Variants in ACAN observed in about 807,000 individuals in gnomAD.
ACAN encodes the protein aggrecan core protein.
A neutral mutation model predicts 169.1 loss-of-function variants in ACAN; 47 were observed. The observed-to-expected ratio is 0.28, with a 90% CI of 0.22 to 0.35. The LOEUF (loss-of-function observed/expected upper bound fraction) is 0.35, where lower values mean the gene tolerates loss of function less well. Ranked by LOEUF, ACAN falls within the 10% of genes least tolerant of loss-of-function variation. The probability of loss-of-function intolerance (pLI) is 1.00; values close to 1 mark genes in which losing one functional copy is unlikely to be tolerated. For missense variants in ACAN, 2,716 were observed against 2,759.9 expected (o/e 0.98, Z 0.36); for synonymous variants, 1,115 against 1,112.2 (o/e 1.00, Z -0.05).
intron 1 of ACAN, among the ~76,000 whole-genome samples, chr15:88,823,772 GT>G (rs72251700): frequency 0.21 from 32,193 of 152,002 alleles, 4,325 homozygotes; most frequent in African/African-American, 0.37. Context: ...TCTGAGTTCT[GT>G]TTTTGTCCCT....
chr15:88,837,404 G>A (rs1248509211), intron 2 of ACAN, among the ~76,000 whole-genome samples: 2 of 152,198 alleles, frequency 1.3e-5, no homozygotes, highest in Non-Finnish European at 1.5e-5. Context: ...AGGAAGATAG[G>A]ACATAGAACT....
At chr15:88,847,164 C>G (rs1325099838) in intron 7 of ACAN, 79 bp from the exon 8 acceptor site, 1 of 1,381,904 alleles carries the variant, frequency 7.2e-7, no homozygotes, top group East Asian at 2.6e-5. Context: ...CAGGAGTTGG[C>G]CCCCCTCTGT....
In ACAN at chr15:88,845,415, G is replaced by A. The variant is rs11856660; in HGVS notation, c.1052-90G>A. The A allele has an allele frequency of 5.0e-3, 7,558 of 1,498,792 alleles. 256 individuals are homozygous for A. The African/African-American group carries it at 0.083, about 16-fold the overall frequency. The allele number at this position is 1,498,792 out of a possible 1,614,324, so 92.8% of individuals were successfully genotyped here. A position where few individuals can be genotyped will look rare whatever the true frequency, so the allele number is the denominator to read the frequency against. On this transcript the variant is annotated intron_variant, in intron 6 of 18. Transcript: ENST00000560601. ...CCTCCTGCCCCAGCAGGGAAGGAGG[G>A]GGAGCCATGCTCATCTCCAGCCCAC...
At chr15:88,803,941 G>C (rs1227236579) in intron 1 of ACAN, 132 bp downstream of exon 1, 1 of 152,330 alleles carries the variant, frequency 6.6e-6, no homozygotes, top group African/African-American at 2.4e-5. Flanking sequence ...ATGTGTGCCG[G>C]GGGCGCAGCA....
Position 88,807,903 on chromosome 15 carries a change from G to A in ACAN, c.-8+4094G>A, listed in dbSNP as rs1895726484. Among the ~76,000 whole-genome samples the A allele has an allele frequency of 1.3e-5, 2 of 152,068 alleles. No homozygotes were observed. The highest frequency in any genetic ancestry group is 4.1e-4 in the South Asian group (2 of 4,824). On this transcript the variant is annotated intron_variant, in intron 1 of 18. Transcript: ENST00000560601. This position sits in a 1 kb window ranked among gnomAD's most constrained non-coding sequence, Gnocchi z 4.0. ...CTTTTTGTTAAACTCATGAATAGGT[G>A]GATTTGGGGTGTGTGATGCTGGGCA... is the stretch of plus-strand genomic sequence containing the variant.
Position 88,873,008 on chromosome 15 carries a change from C to G in ACAN, c.7430C>G (p.Thr2477Arg). 1 of 1,613,076 alleles carries G rather than the reference C, an allele frequency of 6.2e-7. No individual in the cohort carries two copies. Among genetic ancestry groups the G allele is most frequent in the Non-Finnish European group, 8.5e-7 (1 of 1,179,548 alleles). Residue 2477 changes from threonine (T) to arginine (R), a missense_variant, in exon 17 of 19, where the codon ACG (threonine) becomes AGG (arginine). Coordinates refer to ENST00000560601, the MANE Select transcript of ACAN (RefSeq NM_001369268.1). This position sits in a 1 kb window ranked among gnomAD's most constrained non-coding sequence, Gnocchi z 7.5. ...DVPCNYHLPF[T>R]CKKGTVACGE... ...CCCTGCAATTACCACCTCCCCTTCA[C>G]GTGTAAAAAGGGCACAGGTAAGCTG...
At chr15:88,822,717 A>G (rs945383474) in intron 1 of ACAN, among the ~76,000 whole-genome samples, 3 of 152,278 alleles carry the variant, frequency 2.0e-5, no homozygotes, top group Non-Finnish European at 4.4e-5. Flanking sequence ...TACAGGCGTG[A>G]GCCACCACGC....
intron 1 of ACAN, among the ~76,000 whole-genome samples, chr15:88,817,866 A>AAAAG (rs1432352463): frequency 1.3e-5 from 2 of 150,778 alleles, no homozygotes; most frequent in Non-Finnish European, 2.9e-5. Context: ...AAAAAAAAAA[A>AAAAG]AAAGAAAGAA....
At chr15:88,829,595 G>A (rs747118300) in intron 1 of ACAN, among the ~76,000 whole-genome samples, 75 of 152,210 alleles carry the variant, frequency 4.9e-4, no homozygotes, top group Admixed American at 2.9e-3. Context: ...TCATGAGCGA[G>A]TGACAAGAGA....
rs1180271873 is a variant in ACAN at position 88,843,165 on chromosome 15, G to C, written c.758-190G>C. Among the ~76,000 whole-genome samples the C allele has an allele frequency of 6.6e-6, 1 of 152,140 alleles. No homozygotes were observed. The highest frequency in any genetic ancestry group is 1.5e-5 in the Non-Finnish European group (1 of 68,036). On this transcript the variant is annotated intron_variant, in intron 5 of 18. Coordinates refer to ENST00000560601, the MANE Select transcript of ACAN (RefSeq NM_001369268.1). This position sits in a 1 kb window ranked among gnomAD's most constrained non-coding sequence, Gnocchi z 4.0. ...CTTGGTCCCCTTGTTTTAGGAAATT[G>C]ATGTCATCCTACACAAAAGCCCAGA...
At position 88,869,741 on chromosome 15, in the gene ACAN, G is replaced by A. The variant is rs542902049; in HGVS notation, c.7060+1412G>A. ...AGCCACCCAGCTCGGCCCTGGGCCT[G>A]GGGGCCCAGCTAAGCAGGGCTGCAT... On this transcript the variant is annotated intron_variant, in intron 14 of 18. Coordinates refer to ENST00000560601, the MANE Select transcript of ACAN (RefSeq NM_001369268.1). This position sits in a 1 kb window ranked among gnomAD's most constrained non-coding sequence, Gnocchi z 4.2. 6.6e-6 allele frequency among the ~76,000 whole-genome samples: 1 copy of A among 152,240 alleles called. No homozygotes were observed. Among genetic ancestry groups the A allele is most frequent in the Non-Finnish European group, 1.5e-5 (1 of 67,996 alleles).
chr15:88,854,881 G>T lies in ACAN; in HGVS notation c.2296G>T (p.Ala766Ser). ...GILPTWPPTG[A>S]ATEESTEGPS... ...CCTTCCTACTTGGCCTCCCACTGGCGCAGCAACAGAGGAAAGTACAGAAGG... is the reference window on the plus strand; with the variant it reads ...CCTTCCTACTTGGCCTCCCACTGGCTCAGCAACAGAGGAAAGTACAGAAGG... Residue 766 changes from alanine to serine, a missense_variant, in exon 12 of 19, where the codon GCA (alanine) becomes TCA (serine). Ala to Ser is a moderately conservative substitution (Grantham distance 99, BLOSUM62 1). This residue lies in a region of ACAN where 1,283 missense variants were observed against 1,281.5 expected (regional missense o/e 1.00). Coordinates refer to ENST00000560601, the MANE Select transcript of ACAN (RefSeq NM_001369268.1). 2 of 1,508,012 alleles carry T rather than the reference G, an allele frequency of 1.3e-6. No homozygotes were observed. Among genetic ancestry groups the T allele is most frequent in the Non-Finnish European group, 1.8e-6 (2 of 1,133,976 alleles). The allele number at this position is 1,508,012 out of a possible 1,614,324, so 93.4% of individuals were successfully genotyped here. A position where few individuals can be genotyped will look rare whatever the true frequency, so the allele number is the denominator to read the frequency against.
chr15:88,805,856 C>G (rs543919818), intron 1 of ACAN, among the ~76,000 whole-genome samples: 1 of 152,274 alleles, frequency 6.6e-6, no homozygotes, highest in South Asian at 2.1e-4. Flanking sequence ...ACCTCTTGCC[C>G]CTGTTCCCCA....
In ACAN at chr15:88,858,131, G is replaced by A. The variant is rs34124958; in HGVS notation, c.5546G>A (p.Gly1849Asp). 2 of 1,613,780 alleles carry A rather than the reference G, an allele frequency of 1.2e-6. No individual in the cohort carries two copies. The highest frequency in any genetic ancestry group is 1.1e-5 in the South Asian group (1 of 91,080). The change falls in exon 12 of 19, where the codon GGC becomes GAC. Residue 1849 changes from glycine to aspartate, a missense_variant. Physicochemically the swap from Gly to Asp is moderately conservative, Grantham distance 94. Transcript: ENST00000560601. This position sits in a 1 kb window ranked among gnomAD's most constrained non-coding sequence, Gnocchi z 4.0. ...CCTACTACATTTAAAGAAGAAGAAGGCTTAGGGTCTGTGGAACTCAGTGGC... is the reference window on the plus strand; with the variant it reads ...CCTACTACATTTAAAGAAGAAGAAGACTTAGGGTCTGTGGAACTCAGTGGC... ...VAPTTFKEEEGLGSVELSGLP... is the reference protein window; with the variant it reads ...VAPTTFKEEEDLGSVELSGLP...
chr15:88,833,411 C>T lies in ACAN; in HGVS notation c.-7-2789C>T, dbSNP rs575395002. Among the ~76,000 whole-genome samples, 6 of 152,142 alleles carry T rather than the reference C, an allele frequency of 3.9e-5. No homozygotes were observed. In the East Asian group the frequency reaches 7.7e-4, roughly 20 times the overall value. ...CCACTTCATTTCAGGCTCCCCGTCC[C>T]CTTCCTCTGCCTCACCTATGCTGTC... is the stretch of plus-strand genomic sequence containing the variant. On this transcript the variant is annotated intron_variant, in intron 1 of 18. Coordinates refer to ENST00000560601, the MANE Select transcript of ACAN (RefSeq NM_001369268.1).
intron 12 of ACAN, among the ~76,000 whole-genome samples, chr15:88,860,030 C>G (rs930148197): frequency 3.4e-4 from 51 of 150,938 alleles, no homozygotes; most frequent in East Asian, 1.4e-3. Flanking sequence ...GACATAACTC[C>G]AAGTGCCGGG....
chr15:88,874,466 C>T lies in ACAN; in HGVS notation c.7692C>T (p.Pro2564=), dbSNP rs944637511. The change falls in exon 19 of 19, where the codon CCC becomes CCT. Residue 2564 remains proline, a synonymous_variant. Transcript: ENST00000560601. The surrounding 1 kb of genome is among the most constrained non-coding windows in gnomAD (Gnocchi z 7.3). ...CACGGCACCCTCGGAGGAGCCGCCC[C>T]AGCACAGCCCACTGAGAAGAGCTTC... ...RSSRHPRRSR[P]STAH 4.4e-6 allele frequency: 7 copies of T among 1,603,412 alleles called. No individual in the cohort carries two copies. In the African/African-American group the frequency reaches 8.0e-5, roughly 18 times the overall value.
rs369724326 is a variant in ACAN, at chr15:88,839,933, A to G, written c.455-79A>G. ...CCCTAAGGTCCCTTTGACTATTGCC[A>G]TAATTCTGCGAGGGCCTCGGTGATC... On this transcript the variant is annotated intron_variant, in intron 3 of 18. Coordinates refer to ENST00000560601, the MANE Select transcript of ACAN (RefSeq NM_001369268.1). The surrounding 1 kb of genome is among the most constrained non-coding windows in gnomAD (Gnocchi z 4.5). 2.6e-5 allele frequency: 39 copies of G among 1,515,060 alleles called. No homozygotes were observed. The African/African-American group carries it at 5.1e-4, about 20-fold the overall frequency. 93.9% of individuals were successfully genotyped at this position (1,515,060 alleles called of 1,614,324 possible).
At position 88,840,003 on chromosome 15, in the gene ACAN, G is replaced by A; in HGVS notation, c.455-9G>A. The A allele has an allele frequency of 1.9e-6, 3 of 1,594,978 alleles. No individual in the cohort carries two copies. The highest frequency in any genetic ancestry group is 1.7e-6 in the Non-Finnish European group (2 of 1,170,110). On this transcript the variant is annotated splice_polypyrimidine_tract_variant and intron_variant, in intron 3 of 18. Transcript: ENST00000560601. ...CTCTTCCGCTTGTGGGCGTGTATGT[G>A]TCTTGCAGGCATCGTGTTCCATTAC...
Sources: allele counts gnomAD v4.1 joint callset (sites outside exome capture counted in the v4.1 genomes callset), GRCh38; gene constraint gnomAD v4.1.1; regional missense constraint gnomAD v4.1.1; non-coding constraint Gnocchi (gnomAD v3.1); transcripts MANE v1.5; gene names NCBI Gene and HGNC (gene_info 2026-07-23, HGNC 2026-07-21).